ARID1B: variants seen among roughly 807,000 people sequenced by gnomAD.
ARID1B encodes the protein AT-rich interaction domain 1B.
ARID1B carries 30 observed loss-of-function variants against 212.3 expected under a neutral mutation model. That is an observed-to-expected ratio of 0.14 (90% CI 0.11 to 0.19). The LOEUF (loss-of-function observed/expected upper bound fraction) is 0.19. Among genes scored for constraint, ARID1B ranks in the 10% least tolerant of loss-of-function variants. The pLI is 1.00. For missense variants in ARID1B, 2,891 were observed against 3,204.0 expected, an observed-to-expected ratio of 0.90 and a Z score of 2.36; for synonymous variants, 1,402 against 1,301.7, an observed-to-expected ratio of 1.08 and a Z score of -1.66.
At chr6:157,196,128 A>G in intron 15 of ARID1B, 37 bp from the exon 16 acceptor site, 1 of 1,602,630 alleles carries the variant, frequency 6.2e-7, no homozygotes, top group Non-Finnish European at 8.5e-7. Flanking sequence ...ACTTTCAGAA[A>G]TGCCTAAATG....
intron 2 of ARID1B, among the ~76,000 whole-genome samples, chr6:156,888,053 A>G (rs1388900784): frequency 6.6e-6 from 1 of 152,196 alleles, no homozygotes; most frequent in Non-Finnish European, 1.5e-5. Context: ...TTTTCAATCA[A>G]GCATTCACTG....
chr6:156,782,515 A>T (rs1762058627), intron 1 of ARID1B, among the ~76,000 whole-genome samples: 1 of 152,154 alleles, frequency 6.6e-6, no homozygotes, highest in African/African-American at 2.4e-5. Flanking sequence ...ACTGAATTCC[A>T]TAAATGCAGT....
chr6:157,062,445 A>C (rs1336167211), intron 4 of ARID1B, among the ~76,000 whole-genome samples: 1 of 151,268 alleles, frequency 6.6e-6, no homozygotes, highest in African/African-American at 2.4e-5. Context: ...CAATCCTCTC[A>C]CCTTGGCCTC....
chr6:157,049,175 GAA>G (rs375616004), intron 4 of ARID1B, among the ~76,000 whole-genome samples: 8 of 116,970 alleles, frequency 6.8e-5, no homozygotes, highest in East Asian at 5.4e-4. Context: ...TCAGTCTGGA[GAA>G]AAAAAAAAAA....
intron 13 of ARID1B, among the ~76,000 whole-genome samples, chr6:157,189,044 AAAAGTG>A (rs1372070485): frequency 5.9e-5 from 9 of 152,242 alleles, no homozygotes; most frequent in Non-Finnish European, 5.9e-5. Context: ...TCATAGGTCA[AAAAGTG>A]ACACTATTAA....
chr6:156,871,633 G>T, intron 2 of ARID1B: 1 of 1,612,694 alleles, frequency 6.2e-7, no homozygotes, highest in Non-Finnish European at 8.5e-7. Flanking sequence ...GATGCCACAT[G>T]GAAAGAAACA....
chr6:157,013,571 C>T (rs1385893687), intron 4 of ARID1B, among the ~76,000 whole-genome samples: 2 of 152,196 alleles, frequency 1.3e-5, no homozygotes, highest in African/African-American at 4.8e-5. Flanking sequence ...CAGGATCTGT[C>T]ACGAGCCAAG....
At chr6:156,891,420 C>G (rs1453571256) in intron 2 of ARID1B, among the ~76,000 whole-genome samples, 1 of 151,864 alleles carries the variant, frequency 6.6e-6, no homozygotes, top group Admixed American at 6.6e-5. Context: ...TTTTTGATAA[C>G]TCTTAGACAG....
chr6:156,920,628 G>C (rs1157162588), intron 3 of ARID1B, among the ~76,000 whole-genome samples: 5 of 152,042 alleles, frequency 3.3e-5, no homozygotes, highest in Non-Finnish European at 7.4e-5. Flanking sequence ...GCTAATGTGG[G>C]CAGTGGTCAC....
chr6:157,121,629 C>CTTTTTTTTT (rs1389687982), intron 6 of ARID1B, among the ~76,000 whole-genome samples: 2 of 112,926 alleles, frequency 1.8e-5, no homozygotes, highest in Admixed American at 1.0e-4. Context: ...TCATATATAG[C>CTTTTTTTTT]TTTTTTTTTT....
chr6:157,010,278 G>GTTTTTTTTTTTTT (rs367851681), intron 4 of ARID1B, among the ~76,000 whole-genome samples: 5 of 102,282 alleles, frequency 4.9e-5, no homozygotes, highest in African/African-American at 1.2e-4. Flanking sequence ...TGCATTGCCT[G>GTTTTTTTTTTTTT]TTTTTTTTTT....
chr6:157,162,263 G>A (rs1251668378), intron 8 of ARID1B, among the ~76,000 whole-genome samples: 3 of 152,180 alleles, frequency 2.0e-5, no homozygotes, highest in Non-Finnish European at 4.4e-5. Context: ...AAAGATGTGG[G>A]TACTGCATGA....
At position 157,021,733 on chromosome 6, in the gene ARID1B, G is replaced by A. The variant is rs117420630; in HGVS notation, c.2248-62929G>A. On this transcript the variant is annotated intron_variant, in intron 4 of 19. Coordinates refer to ENST00000636930, the MANE Select transcript of ARID1B (RefSeq NM_001374828.1). ...CCTGCAGGCACCGTCCGCCCCGCGC[G>A]CCCGCAGGCTCCTCCTGGAGGCGGG... Among the ~76,000 whole-genome samples, 505 of 152,094 alleles carry A rather than the reference G, an allele frequency of 3.3e-3. 17 individuals carry two copies. In the East Asian group the frequency reaches 0.085, roughly 26 times the overall value.
At position 157,110,712 on chromosome 6, in the gene ARID1B, C is replaced by A. The variant is rs547826054; in HGVS notation, c.2581+151C>A. On this transcript the variant is annotated intron_variant, in intron 6 of 19. Transcript: ENST00000636930. Reference sequence around the variant, plus strand: ...ACGGAAGAAATAAAAGCCCTTCCAACAAATATGGAGAGGAGGGAGGATGCT... The same window carrying A: ...ACGGAAGAAATAAAAGCCCTTCCAAAAAATATGGAGAGGAGGGAGGATGCT... 64 of 768,180 alleles carry A rather than the reference C, an allele frequency of 8.3e-5. No individual in the cohort carries two copies. In the African/African-American group the frequency reaches 9.9e-4, roughly 12 times the overall value. The allele number at this position is 768,180 out of a possible 1,614,324, so 47.6% of individuals were successfully genotyped here.
rs1188390524 is a variant in ARID1B at position 157,203,808 on chromosome 6, T to C, written c.5264-58T>C. The C allele has an allele frequency of 1.3e-6, 2 of 1,590,590 alleles. No individual in the cohort carries two copies. Among genetic ancestry groups the C allele is most frequent in the African/African-American group, 1.3e-5 (1 of 74,144 alleles). ...TTTTTTCTTACTCTTTCGTTAACTT[T>C]CGTTCTTTCATGCATAGAGTCAACA... On this transcript the variant is annotated intron_variant, in intron 18 of 19. Coordinates refer to ENST00000636930, the MANE Select transcript of ARID1B (RefSeq NM_001374828.1). The surrounding 1 kb of genome is among the most constrained non-coding windows in gnomAD (Gnocchi z 4.4).
At chr6:156,792,059 T>C (rs1562388468) in intron 1 of ARID1B, among the ~76,000 whole-genome samples, 1 of 152,224 alleles carries the variant, frequency 6.6e-6, no homozygotes, top group Non-Finnish European at 1.5e-5. Context: ...ATCTGGAATT[T>C]TGAAATGAAT....
chr6:157,028,396 A>G lies in ARID1B; in HGVS notation c.2248-56266A>G, dbSNP rs917928291. ...TCATGTAGAAATAATAATGTAATGA[A>G]TAAGTATTAGTGTTTTCTAATTTAA... On this transcript the variant is annotated intron_variant, in intron 4 of 19. Transcript: ENST00000636930. 2.6e-5 allele frequency among the ~76,000 whole-genome samples: 4 copies of G among 152,252 alleles called. No individual in the cohort carries two copies. In the South Asian group the frequency reaches 6.2e-4, roughly 24 times the overall value.
At chr6:157,172,518 C>T (rs866717247) in intron 9 of ARID1B, among the ~76,000 whole-genome samples, 7 of 152,154 alleles carry the variant, frequency 4.6e-5, no homozygotes, top group Admixed American at 1.3e-4. Context: ...CAAGCCAATG[C>T]GCCCGTGGAA....
chr6:156,903,498 A>G (rs1287486110), intron 3 of ARID1B, among the ~76,000 whole-genome samples: 3 of 152,338 alleles, frequency 2.0e-5, no homozygotes, highest in Admixed American at 6.5e-5. Context: ...AGTTGGAGAC[A>G]TTTGAGTGGC....
Sources: gnomAD v4.1 joint callset for allele counts (sites outside exome capture counted in the v4.1 genomes callset) on GRCh38, gnomAD v4.1.1 for gene constraint, Gnocchi (gnomAD v3.1) non-coding constraint, MANE v1.5 for transcripts, NCBI Gene and HGNC (gene_info 2026-07-23, HGNC 2026-07-21) for gene names.